Variants in ENAH observed in about 807,000 individuals in gnomAD.
The protein encoded by ENAH is ENAH actin regulator, also known as protein enabled homolog.
In ENAH, 23 loss-of-function variants were observed where a neutral mutation model predicts 78.7. The observed-to-expected ratio is 0.29, with a 90% CI of 0.21 to 0.41. The LOEUF is 0.41. Among genes scored for constraint, ENAH ranks in the 10% least tolerant of loss-of-function variants. The pLI, the probability that ENAH is intolerant of heterozygous loss-of-function variation, is 1.00. For synonymous variants in ENAH, 226 were observed against 241.0 expected (o/e 0.94, Z 0.58); for missense variants, 544 against 691.0 (o/e 0.79, Z 2.39).
At chr1:225,604,944 TGTTA>T (rs1487323575) in intron 1 of ENAH, among the ~76,000 whole-genome samples, 2 of 152,150 alleles carry the variant, frequency 1.3e-5, no homozygotes, top group Non-Finnish European at 2.9e-5. Context: ...AAAACAGTAA[TGTTA>T]GAGTGGGAAA....
chr1:225,575,760 C>G (rs2096784829), intron 1 of ENAH, among the ~76,000 whole-genome samples: 3 of 152,196 alleles, frequency 2.0e-5, no homozygotes, highest in African/African-American at 7.2e-5. Flanking sequence ...CATATCATCT[C>G]TACCAATATC....
At position 225,498,336 on chromosome 1, in the gene ENAH, CA is replaced by C. The variant is rs139959604; in HGVS notation, c.1675+10del. On this transcript the variant is annotated intron_variant, in intron 13 of 13. Transcript: ENST00000366843. ...GTTTTATAGGAATAGTAAATTTGTC[CA>C]GACACTTACCATCAATGAGCTCTTC... The C allele has an allele frequency of 3.9e-3, 6,217 of 1,583,730 alleles. 131 individuals are homozygous for C. The African/African-American group carries it at 0.046, about 12-fold the overall frequency.
intron 4 of ENAH, among the ~76,000 whole-genome samples, chr1:225,526,296 C>T (rs1038986463): frequency 1.3e-5 from 2 of 151,648 alleles, no homozygotes; most frequent in Non-Finnish European, 2.9e-5. Flanking sequence ...AATTCCTCAA[C>T]CTTAGTTCTC....
intron 1 of ENAH, among the ~76,000 whole-genome samples, chr1:225,624,676 A>G (rs1657624286): frequency 6.6e-6 from 1 of 152,122 alleles, no homozygotes; most frequent in Non-Finnish European, 1.5e-5. Context: ...AAAAATAAAT[A>G]AAAATTCCCC....
chr1:225,578,400 A>G (rs1435283681), intron 1 of ENAH, among the ~76,000 whole-genome samples: 2 of 152,216 alleles, frequency 1.3e-5, no homozygotes, highest in East Asian at 1.9e-4. Context: ...ACTTCAGCCC[A>G]GGAGTGCAAG....
chr1:225,621,024 T>C (rs1349636628), intron 1 of ENAH, among the ~76,000 whole-genome samples: 1 of 152,002 alleles, frequency 6.6e-6, no homozygotes, highest in African/African-American at 2.4e-5. Context: ...AAAAAAAGTG[T>C]GGAGATAGTC....
intron 2 of ENAH, among the ~76,000 whole-genome samples, chr1:225,557,103 G>C (rs2096671126): frequency 6.6e-6 from 1 of 151,866 alleles, no homozygotes; most frequent in Non-Finnish European, 1.5e-5. Context: ...AAATTGCTTT[G>C]GCTCTTCTCA....
At chr1:225,546,160 T>G (rs1328215992) in intron 3 of ENAH, among the ~76,000 whole-genome samples, 1 of 152,030 alleles carries the variant, frequency 6.6e-6, no homozygotes, top group Admixed American at 6.6e-5. Flanking sequence ...ACTCCTGACC[T>G]CAAGAGATCT....
At chr1:225,515,133 T>C (rs2096407627) in intron 6 of ENAH, 1 of 493,494 alleles carries the variant, frequency 2.0e-6, no homozygotes, top group Non-Finnish European at 3.5e-6. Flanking sequence ...AATAGAACTA[T>C]GCAACAGATC....
At chr1:225,595,990 G>A (rs533713074) in intron 1 of ENAH, among the ~76,000 whole-genome samples, 29 of 152,190 alleles carry the variant, frequency 1.9e-4, no homozygotes, top group Non-Finnish European at 3.4e-4. Context: ...TACTAAAGAG[G>A]ATACCCTTTT....
rs117625634 is a variant in ENAH, at chr1:225,634,836, A to G, written c.5+17850T>C. On this transcript the variant is annotated intron_variant, in intron 1 of 13. Coordinates refer to ENST00000366843, the MANE Select transcript of ENAH (RefSeq NM_018212.6). ...CCTGTTTTGATTACTGTAACTGCAA[A>G]GTTAAGTTTTGAAATCGGGAAGTGT... Among the ~76,000 whole-genome samples, 383 of 152,272 alleles carry G rather than the reference A, an allele frequency of 2.5e-3. 7 individuals carry two copies. In the East Asian group the frequency reaches 0.047, roughly 19 times the overall value.
intron 2 of ENAH, among the ~76,000 whole-genome samples, chr1:225,557,952 C>G (rs748109753): frequency 3.9e-5 from 6 of 152,168 alleles, no homozygotes; most frequent in Non-Finnish European, 5.9e-5. Context: ...TGCATTTTAT[C>G]AAGTCCTCCC....
chr1:225,609,054 G>A (rs2096973425), intron 1 of ENAH, among the ~76,000 whole-genome samples: 3 of 151,708 alleles, frequency 2.0e-5, no homozygotes. Context: ...TATTTCTAAG[G>A]GAGCTACAAT....
intron 3 of ENAH, among the ~76,000 whole-genome samples, chr1:225,550,355 T>G (rs1264070397): frequency 6.6e-6 from 1 of 152,224 alleles, no homozygotes; most frequent in Non-Finnish European, 1.5e-5. Context: ...AGCCCGACTG[T>G]GACATCAGGC....
Position 225,496,308 on chromosome 1 carries a change from G to C in ENAH, c.*1467C>G, listed in dbSNP as rs1325470791. The C allele has an allele frequency of 6.6e-6, 1 of 152,232 alleles. No homozygotes were observed. Among genetic ancestry groups the C allele is most frequent in the Non-Finnish European group, 1.5e-5 (1 of 68,052 alleles). 9.4% of individuals were successfully genotyped at this position (152,232 alleles called of 1,614,324 possible). ...GCACACACACGCAGAGTGGCAGGCA[G>C]AGTGTCTAATTCCTTCTTCCCACCT... On this transcript the variant is annotated 3_prime_UTR_variant, in exon 14 of 14. Transcript: ENST00000366843.
At chr1:225,538,307 G>A (rs2096572213) in intron 3 of ENAH, among the ~76,000 whole-genome samples, 1 of 151,878 alleles carries the variant, frequency 6.6e-6, no homozygotes, top group South Asian at 2.1e-4. Flanking sequence ...ATACTGCAGT[G>A]GTACAGTTGC....
Position 225,517,921 on chromosome 1 carries a change from G to A in ENAH, c.803-615C>T, listed in dbSNP as rs1270579549. ...GACTTTAGCGTATGATGGAGGAGGT[G>A]CTGAAGGAGGCTGGCAACTGGAATA... On this transcript the variant is annotated intron_variant, in intron 5 of 13. Transcript: ENST00000366843. The A allele has an allele frequency of 2.6e-6, 4 of 1,550,410 alleles. No individual in the cohort carries two copies. In the African/African-American group the frequency reaches 4.1e-5, roughly 16 times the overall value.
chr1:225,634,086 T>TTAGTCAGTTCCAATTTATAA (rs1200929722), intron 1 of ENAH, among the ~76,000 whole-genome samples: 1 of 152,232 alleles, frequency 6.6e-6, no homozygotes, highest in African/African-American at 2.4e-5. Flanking sequence ...TTTTTTTTCT[T>TTAGTCAGTTCCAATTTATAA]TAGTCAGTTC....
At position 225,488,882 on chromosome 1, in the gene ENAH, G is replaced by C. The variant is rs903471995; in HGVS notation, c.*8893C>G. The C allele has an allele frequency of 2.6e-5, 4 of 152,202 alleles. No homozygotes were observed. The highest frequency in any genetic ancestry group is 9.7e-5 in the African/African-American group (4 of 41,430). 9.4% of individuals were successfully genotyped at this position (152,202 alleles called of 1,614,324 possible). On this transcript the variant is annotated 3_prime_UTR_variant, in exon 14 of 14. Transcript: ENST00000366843. ...TCAAATGGCACGGAAGCGGCACCTG[G>C]TCTGCCAAGACATTGCTGTTAAACA...
Sources: gnomAD v4.1 joint callset for allele counts (sites outside exome capture counted in the v4.1 genomes callset) on GRCh38, gnomAD v4.1.1 for gene constraint, MANE v1.5 for transcripts, NCBI Gene and HGNC (gene_info 2026-07-23, HGNC 2026-07-21) for gene names.